The following PCDH7 variants were observed in gnomAD, a reference collection of about 807,000 sequenced individuals.
The protein encoded by PCDH7 is protocadherin-7.
Under a neutral mutation model 58.9 loss-of-function variants are expected in PCDH7, and 17 were observed. That is an observed-to-expected ratio of 0.29 (90% CI 0.20 to 0.43). The LOEUF (loss-of-function observed/expected upper bound fraction) is 0.43. Among genes scored for constraint, PCDH7 ranks in the 20% least tolerant of loss-of-function variants. The pLI is 1.00. For synonymous variants in PCDH7, 664 were observed against 616.4 expected (o/e 1.08, Z -1.14); for missense variants, 1,274 against 1,441.0 (o/e 0.88, Z 1.88).
chr4:30,784,237 C>T (rs966306986), intron 1 of PCDH7, among the ~76,000 whole-genome samples: 13 of 152,188 alleles, frequency 8.5e-5, no homozygotes, highest in Admixed American at 6.5e-4. Context: ...ATGGTGATTC[C>T]TAAGTAGTTG....
chr4:30,814,240 T>C (rs1180087570), intron 1 of PCDH7, among the ~76,000 whole-genome samples: 1 of 151,974 alleles, frequency 6.6e-6, no homozygotes, highest in Non-Finnish European at 1.5e-5. Flanking sequence ...TATATACAAA[T>C]ATAAGTAATA....
intron 1 of PCDH7, among the ~76,000 whole-genome samples, chr4:30,907,801 G>A (rs1188505834): frequency 2.6e-5 from 4 of 152,100 alleles, no homozygotes; most frequent in Non-Finnish European, 5.9e-5. Context: ...ACATGCACAC[G>A]TATGTTTATT....
chr4:30,952,822 T>C (rs1443628834), intron 3 of PCDH7, among the ~76,000 whole-genome samples: 1 of 152,116 alleles, frequency 6.6e-6, no homozygotes, highest in Non-Finnish European at 1.5e-5. Context: ...GAGCTATGCA[T>C]TTAGAACTAA....
chr4:31,138,596 C>A (rs1054650396), intron 3 of PCDH7, among the ~76,000 whole-genome samples: 1 of 152,178 alleles, frequency 6.6e-6, no homozygotes, highest in Non-Finnish European at 1.5e-5. Flanking sequence ...CTGTTCCATC[C>A]TCCTTGCTAT....
At chr4:31,026,291 A>C (rs1754418339) in intron 3 of PCDH7, among the ~76,000 whole-genome samples, 1 of 152,182 alleles carries the variant, frequency 6.6e-6, no homozygotes, top group African/African-American at 2.4e-5. Flanking sequence ...TTTCTGTGCC[A>C]CAAGTTGTAC....
At chr4:30,768,700 T>C (rs1721041298) in intron 1 of PCDH7, among the ~76,000 whole-genome samples, 1 of 152,324 alleles carries the variant, frequency 6.6e-6, no homozygotes, top group South Asian at 2.1e-4. Flanking sequence ...ACATGTACAT[T>C]TTCTGTCTTA....
intron 1 of PCDH7, chr4:30,885,017 AG>A (rs1490284816): frequency 6.6e-6 from 1 of 152,188 alleles, no homozygotes; most frequent in Non-Finnish European, 1.5e-5. Flanking sequence ...GTAATGATGA[AG>A]GGTAAGATGA....
chr4:30,894,005 A>G (rs1738954309), intron 1 of PCDH7, among the ~76,000 whole-genome samples: 1 of 152,160 alleles, frequency 6.6e-6, no homozygotes, highest in Non-Finnish European at 1.5e-5. Flanking sequence ...AGGGTACCAG[A>G]CAGATACTGG....
chr4:31,133,151 C>G (rs1417504270), intron 3 of PCDH7, among the ~76,000 whole-genome samples: 1 of 152,106 alleles, frequency 6.6e-6, no homozygotes, highest in East Asian at 1.9e-4. Flanking sequence ...GACTTTGATT[C>G]TAACTCAATG....
chr4:30,779,505 A>G (rs947756111), intron 1 of PCDH7, among the ~76,000 whole-genome samples: 1 of 152,200 alleles, frequency 6.6e-6, no homozygotes, highest in African/African-American at 2.4e-5. Context: ...TAGGTTTTTG[A>G]AGCTGGTAAA....
intron 1 of PCDH7, chr4:30,725,451 G>A (rs1325284240): frequency 4.6e-6 from 1 of 215,954 alleles, no homozygotes; most frequent in Non-Finnish European, 7.9e-6. Context: ...TGACATAATA[G>A]TTTCTCAGTG....
chr4:31,108,197 CCT>C (rs1338177225), intron 3 of PCDH7, among the ~76,000 whole-genome samples: 2 of 151,524 alleles, frequency 1.3e-5, no homozygotes, highest in Non-Finnish European at 2.9e-5. Flanking sequence ...TCAACCTATT[CCT>C]CTGTCCTACC....
At chr4:30,757,652 C>T (rs953628777) in intron 1 of PCDH7, among the ~76,000 whole-genome samples, 14 of 152,168 alleles carry the variant, frequency 9.2e-5, no homozygotes, top group African/African-American at 3.1e-4. Flanking sequence ...CAATGCTTTC[C>T]CTGCCTCCCA....
chr4:31,110,819 G>A (rs1716197435), intron 3 of PCDH7, among the ~76,000 whole-genome samples: 1 of 152,088 alleles, frequency 6.6e-6, no homozygotes, highest in African/African-American at 2.4e-5. Flanking sequence ...GGAGGCTGAG[G>A]CAGGAGAATG....
At chr4:30,928,548 C>T (rs1744180627) in intron 2 of PCDH7, among the ~76,000 whole-genome samples, 1 of 152,080 alleles carries the variant, frequency 6.6e-6, no homozygotes, top group South Asian at 2.1e-4. Context: ...AGTTTTTATG[C>T]TCAAGAGATA....
chr4:31,136,204 A>G (rs2109342070), intron 3 of PCDH7, among the ~76,000 whole-genome samples: 1 of 152,284 alleles, frequency 6.6e-6, no homozygotes, highest in African/African-American at 2.4e-5. Flanking sequence ...AAATCTCTCC[A>G]GGGGCTATGA....
intron 1 of PCDH7, among the ~76,000 whole-genome samples, chr4:30,815,589 G>T (rs1039152240): frequency 1.3e-5 from 2 of 152,172 alleles, no homozygotes; most frequent in Non-Finnish European, 2.9e-5. Flanking sequence ...GGACGCATGC[G>T]CGGTGTGTTT....
intron 1 of PCDH7, among the ~76,000 whole-genome samples, chr4:30,747,904 T>C (rs1717981738): frequency 6.6e-6 from 1 of 152,192 alleles, no homozygotes; most frequent in African/African-American, 2.4e-5. Flanking sequence ...GGCTTTCTTT[T>C]TTTCTGTGCA....
intron 1 of PCDH7, among the ~76,000 whole-genome samples, chr4:30,762,801 C>T (rs1460994113): frequency 1.3e-5 from 2 of 152,134 alleles, no homozygotes; most frequent in Non-Finnish European, 2.9e-5. Context: ...ATCAAACAAA[C>T]ATGGTATTTC....
Sources: gnomAD v4.1 joint callset for allele counts (sites outside exome capture counted in the v4.1 genomes callset) on GRCh38, gnomAD v4.1.1 for gene constraint, MANE v1.5 for transcripts, NCBI Gene and HGNC (gene_info 2026-07-23, HGNC 2026-07-21) for gene names.